The following AHCYL1 variants were observed in gnomAD, a reference collection of about 807,000 sequenced individuals.
AHCYL1 encodes S-adenosylhomocysteine hydrolase-like protein 1.
Under a neutral mutation model 79.3 loss-of-function variants are expected in AHCYL1, and 20 were observed. The observed-to-expected ratio is 0.25, with a 90% CI of 0.18 to 0.37. The LOEUF (loss-of-function observed/expected upper bound fraction) is 0.37. Among genes scored for constraint, AHCYL1 ranks in the 10% least tolerant of loss-of-function variants. The pLI is 1.00. For missense variants in AHCYL1, 330 were observed against 673.6 expected, an observed-to-expected ratio of 0.49 and a Z score of 5.65; for synonymous variants, 223 against 242.2, an observed-to-expected ratio of 0.92 and a Z score of 0.74.
chr1:109,985,017 G>T lies in AHCYL1; in HGVS notation c.-36G>T. The T allele has an allele frequency of 6.7e-7, 1 of 1,498,162 alleles. No individual in the cohort carries two copies. Among genetic ancestry groups the T allele is most frequent in the Non-Finnish European group, 8.9e-7 (1 of 1,122,002 alleles). The allele number at this position is 1,498,162 out of a possible 1,614,324, so 92.8% of individuals were successfully genotyped here. ...GGCGCCAGAGGGGGAAAGAGGCGGG[G>T]GCGGCGGGTCAGCCGCTGGCCGGGC... On this transcript the variant is annotated 5_prime_UTR_variant, in exon 1 of 17. Coordinates refer to ENST00000369799, the MANE Select transcript of AHCYL1 (RefSeq NM_006621.7).
At chr1:109,990,454 G>C (rs1649698248) in intron 1 of AHCYL1, among the ~76,000 whole-genome samples, 1 of 152,074 alleles carries the variant, frequency 6.6e-6, no homozygotes, top group Non-Finnish European at 1.5e-5. Flanking sequence ...AAGTTACCCT[G>C]GTTTATGTGG....
intron 3 of AHCYL1, among the ~76,000 whole-genome samples, 155 bp downstream of exon 3, chr1:110,011,512 AC>A (rs1276152270): frequency 6.6e-6 from 1 of 152,168 alleles, no homozygotes; most frequent in East Asian, 1.9e-4. Flanking sequence ...TCTCTATGGA[AC>A]TTAAGTCTTG....
At chr1:110,010,413 AGAGGTAAGGAAT>A (rs2101726376) in intron 2 of AHCYL1, among the ~76,000 whole-genome samples, 1 of 152,356 alleles carries the variant, frequency 6.6e-6, no homozygotes, top group Admixed American at 6.5e-5. Context: ...AAGTGATTTG[AGAGGTAAGGAAT>A]GATTGTTGTA....
intron 1 of AHCYL1, chr1:109,995,716 A>G: frequency 1.3e-5 from 13 of 984,840 alleles, no homozygotes; most frequent in Non-Finnish European, 1.6e-5. Flanking sequence ...TCAGTCACAT[A>G]GAGGGTTTTT....
At position 110,023,546 on chromosome 1, in the gene AHCYL1, A is replaced by G. The variant is rs902495966; in HGVS notation, c.*1866A>G. ...TACCGTGTCCATAGGAATAATAGGT[A>G]AGGGCTCTGTCTCTGTCAAGCCATG... On this transcript the variant is annotated 3_prime_UTR_variant, in exon 17 of 17. Transcript: ENST00000369799. The G allele has an allele frequency of 1.3e-5, 2 of 152,432 alleles. No individual in the cohort carries two copies. Among genetic ancestry groups the G allele is most frequent in the African/African-American group, 4.8e-5 (2 of 41,362 alleles). 9.4% of individuals were successfully genotyped at this position (152,432 alleles called of 1,614,324 possible). A position where few individuals can be genotyped will look rare whatever the true frequency, so the allele number is the denominator to read the frequency against.
intron 1 of AHCYL1, among the ~76,000 whole-genome samples, chr1:110,003,406 A>T (rs1650435540): frequency 6.6e-6 from 1 of 152,106 alleles, no homozygotes; most frequent in Non-Finnish European, 1.5e-5. Context: ...TGGAGAGTAC[A>T]GGTGTTTATT....
chr1:109,985,242 G>C (rs973688753), intron 1 of AHCYL1, 70 bp downstream of exon 1: 1 of 1,543,518 alleles, frequency 6.5e-7, no homozygotes, highest in African/African-American at 1.4e-5. Context: ...GCAAGCCCGG[G>C]CTCTGGCTAG....
intron 1 of AHCYL1, chr1:109,995,614 G>A: frequency 1.0e-6 from 1 of 976,174 alleles, no homozygotes; most frequent in Non-Finnish European, 1.2e-6. Context: ...CAAGAGCCTA[G>A]TAAACTCAGT....
chr1:110,003,621 A>C (rs1557765763), intron 1 of AHCYL1, among the ~76,000 whole-genome samples: 1 of 152,030 alleles, frequency 6.6e-6, no homozygotes, highest in African/African-American at 2.4e-5. Context: ...TAAACCTAGA[A>C]TTGATGATAA....
At chr1:110,016,873 C>T (rs966068337) in intron 9 of AHCYL1, 143 bp downstream of exon 9, 13 of 870,988 alleles carry the variant, frequency 1.5e-5, no homozygotes, top group Admixed American at 1.1e-4. Context: ...ATAGCAAAAG[C>T]CTTTTATTCA....
chr1:110,011,162 T>C (rs1220453008), intron 2 of AHCYL1, 52 bp from the exon 3 acceptor site: 1 of 1,605,818 alleles, frequency 6.2e-7, no homozygotes, highest in Non-Finnish European at 8.5e-7. Context: ...CTCTGTAGAG[T>C]TGGGGACCAC....
intron 1 of AHCYL1, among the ~76,000 whole-genome samples, chr1:110,006,228 C>G (rs887384471): frequency 5.3e-5 from 8 of 152,114 alleles, no homozygotes; most frequent in African/African-American, 1.9e-4. Context: ...GTGAGTTACT[C>G]AAGCATAACA....
rs755346602 is a variant in AHCYL1, at chr1:110,009,156, A to G, written c.232+11A>G. The stretch of plus-strand genomic sequence containing the variant: ...ACAGCTACAGTTCAGGTAGGTGTGA[A>G]TGAACTCCATGTCCTCTCTAATCTC... On this transcript the variant is annotated intron_variant, in intron 2 of 16. Transcript: ENST00000369799. 4 of 1,594,324 alleles carry G rather than the reference A, an allele frequency of 2.5e-6. No homozygotes were observed. Among genetic ancestry groups the G allele is most frequent in the Non-Finnish European group, 2.6e-6 (3 of 1,162,704 alleles).
At chr1:110,019,503 C>A in intron 14 of AHCYL1, 45 bp from the exon 15 acceptor site, 1 of 1,534,680 alleles carries the variant, frequency 6.5e-7, no homozygotes, top group South Asian at 1.2e-5. Flanking sequence ...ATGTGCCTGT[C>A]TAAGAAATAT....
At chr1:110,011,469 A>T in intron 3 of AHCYL1, 112 bp downstream of exon 3, 1 of 1,433,482 alleles carries the variant, frequency 7.0e-7, no homozygotes. Flanking sequence ...GGGAAGAAAG[A>T]CAGTATTATG....
At chr1:109,993,978 C>T (rs778525477) in intron 1 of AHCYL1, among the ~76,000 whole-genome samples, 14 of 152,274 alleles carry the variant, frequency 9.2e-5, no homozygotes, top group African/African-American at 2.6e-4. Flanking sequence ...ACAACAGCTC[C>T]GTCCGGCAGT....
chr1:110,002,892 T>G (rs1468527777), intron 1 of AHCYL1, among the ~76,000 whole-genome samples: 1 of 152,180 alleles, frequency 6.6e-6, no homozygotes, highest in East Asian at 1.9e-4. Flanking sequence ...GAACTGAACT[T>G]CCAGTTTATA....
Position 110,019,036 on chromosome 1 carries a change from C to T in AHCYL1, c.1318-15C>T, listed in dbSNP as rs1432095266. 1.2e-6 allele frequency: 2 copies of T among 1,613,596 alleles called. No individual in the cohort carries two copies. Among genetic ancestry groups the T allele is most frequent in the African/African-American group, 1.3e-5 (1 of 74,906 alleles). On this transcript the variant is annotated splice_polypyrimidine_tract_variant and intron_variant, in intron 13 of 16. Transcript: ENST00000369799. Reference sequence around the variant, plus strand: ...GAGACAGAGCTCATCCCAGGGCTCTCTCTTACCTTTCCAGGGTCGTCTACT... The same window carrying T: ...GAGACAGAGCTCATCCCAGGGCTCTTTCTTACCTTTCCAGGGTCGTCTACT...
Position 110,011,713 on chromosome 1 carries a change from A to G in AHCYL1, c.376+356A>G, listed in dbSNP as rs572811927. On this transcript the variant is annotated intron_variant, in intron 3 of 16. Transcript: ENST00000369799. ...ATAGCTGCCAATGGCAGAGACCCAG[A>G]TTGCCCAGAAGCAGCTGATGAGGAA... 5.5e-4 allele frequency among the ~76,000 whole-genome samples: 84 copies of G among 152,356 alleles called. No homozygotes were observed. In the South Asian group the frequency reaches 0.017, roughly 30 times the overall value.
Sources: gnomAD v4.1 joint callset for allele counts (sites outside exome capture counted in the v4.1 genomes callset) on GRCh38, gnomAD v4.1.1 for gene constraint, MANE v1.5 for transcripts, NCBI Gene and HGNC (gene_info 2026-07-23, HGNC 2026-07-21) for gene names.